Variants in WDR72 observed in about 807,000 individuals in gnomAD.
The protein encoded by WDR72 is WD repeat-containing protein 72.
WDR72 carries 120 observed loss-of-function variants against 124.2 expected under a neutral mutation model. The observed-to-expected ratio is 0.97, with a 90% confidence interval of 0.83 to 1.12. WDR72 has a LOEUF of 1.12. WDR72 is among the 50% of genes most tolerant of loss of function. The pLI is 0.00. For synonymous variants in WDR72, 452 were observed against 441.7 expected (o/e 1.02, Z -0.29); for missense variants, 1,387 against 1,278.8 (o/e 1.08, Z -1.29).
chr15:53,523,402 C>T, intron 18 of WDR72, 80 bp from the exon 19 acceptor site: 1 of 1,314,456 alleles, frequency 7.6e-7, no homozygotes, highest in Non-Finnish European at 1.1e-6. Flanking sequence ...TAAAACATTT[C>T]CTTTCAGTTC....
chr15:53,732,952 A>C, intron 2 of WDR72, 45 bp downstream of exon 2: 1 of 1,613,000 alleles, frequency 6.2e-7, no homozygotes, highest in South Asian at 1.1e-5. Flanking sequence ...AGTTGTCCGT[A>C]TTTTGTGAGT....
At chr15:53,587,653 C>T (rs1329018153) in intron 18 of WDR72, among the ~76,000 whole-genome samples, 2 of 151,940 alleles carry the variant, frequency 1.3e-5, no homozygotes, top group South Asian at 2.1e-4. Flanking sequence ...CACTGAGATC[C>T]ACTACGATTA....
intron 14 of WDR72, among the ~76,000 whole-genome samples, chr15:53,624,091 C>A (rs2014114088): frequency 6.6e-6 from 1 of 152,038 alleles, no homozygotes; most frequent in Non-Finnish European, 1.5e-5. Flanking sequence ...TTGTTGGGTG[C>A]ATTGCAAATA....
At chr15:53,683,043 A>C (rs79059634) in intron 13 of WDR72, among the ~76,000 whole-genome samples, 2 of 152,174 alleles carry the variant, frequency 1.3e-5, no homozygotes, top group African/African-American at 4.8e-5. Context: ...AGTGTAAAGG[A>C]GCAACTTCCA....
At chr15:53,578,173 T>C (rs529979347) in intron 18 of WDR72, among the ~76,000 whole-genome samples, 2 of 152,248 alleles carry the variant, frequency 1.3e-5, no homozygotes, top group South Asian at 4.1e-4. Context: ...GGAGATATAA[T>C]AGTGAGCAAG....
intron 14 of WDR72, among the ~76,000 whole-genome samples, chr15:53,622,489 A>G (rs2014035994): frequency 6.6e-6 from 1 of 152,138 alleles, no homozygotes; most frequent in African/African-American, 2.4e-5. Context: ...CAATGGATGG[A>G]GCTGCAAGCC....
chr15:53,570,153 CAAAT>C (rs1243012406), intron 18 of WDR72, among the ~76,000 whole-genome samples: 4 of 151,786 alleles, frequency 2.6e-5, no homozygotes, highest in Non-Finnish European at 5.9e-5. Context: ...TTTTAAGTGA[CAAAT>C]AAAAATTCTA....
intron 13 of WDR72, among the ~76,000 whole-genome samples, chr15:53,673,543 A>G (rs914958375): frequency 7.2e-5 from 11 of 152,204 alleles, no homozygotes; most frequent in African/African-American, 2.7e-4. Flanking sequence ...CCATTTCTAT[A>G]GAAACATAAA....
At chr15:53,640,449 G>A (rs1344886705) in intron 14 of WDR72, among the ~76,000 whole-genome samples, 2 of 152,060 alleles carry the variant, frequency 1.3e-5, no homozygotes, top group Non-Finnish European at 2.9e-5. Flanking sequence ...TTTGGAAAAG[G>A]ACATAAGTTA....
At chr15:53,591,685 AACACAC>A (rs67873847) in intron 18 of WDR72, among the ~76,000 whole-genome samples, 3,107 of 148,984 alleles carry the variant, frequency 0.021, 27 homozygotes, top group Non-Finnish European at 0.023. Context: ...CAACACACAC[AACACAC>A]ACACACACAC....
intron 13 of WDR72, among the ~76,000 whole-genome samples, chr15:53,672,359 C>CAGGA (rs1270277361): frequency 6.8e-6 from 1 of 147,920 alleles, no homozygotes; most frequent in East Asian, 2.0e-4. Flanking sequence ...TGAGCTGTTT[C>CAGGA]AGGAGACGAG....
rs911634227 is a variant in WDR72, at chr15:53,700,098, C to A, written c.1570-153G>T. ...GCTTTCTACAGCACCTTTCATGTAA[C>A]CCTCTACAGAGGAGCTTTAAACACA... On this transcript the variant is annotated intron_variant, in intron 12 of 19. Transcript: ENST00000360509. Among the ~76,000 whole-genome samples the A allele has an allele frequency of 2.0e-5, 3 of 152,150 alleles. 1 individual carries two copies. The highest frequency in any genetic ancestry group is 4.4e-5 in the Non-Finnish European group (3 of 68,038).
chr15:53,521,768 C>G (rs954761190), intron 19 of WDR72, among the ~76,000 whole-genome samples: 10 of 152,128 alleles, frequency 6.6e-5, no homozygotes, highest in Admixed American at 1.3e-4. Context: ...ATTTACCTGT[C>G]TGACAAAATG....
chr15:53,560,219 T>C lies in WDR72; in HGVS notation c.3148+36860A>G, dbSNP rs560510173. ...AGGAACTCAAGGTCTTTCATGGTGC[T>C]CTCTGACCAGAGATGAACAGCTACT... On this transcript the variant is annotated intron_variant, in intron 18 of 19. Coordinates refer to ENST00000360509, the MANE Select transcript of WDR72 (RefSeq NM_182758.4). Among the ~76,000 whole-genome samples, 3 of 152,048 alleles carry C rather than the reference T, an allele frequency of 2.0e-5. No individual in the cohort carries two copies. In the East Asian group the frequency reaches 5.8e-4, roughly 30 times the overall value.
At chr15:53,722,738 C>G in intron 3 of WDR72, 64 bp downstream of exon 3, 1 of 1,413,888 alleles carries the variant, frequency 7.1e-7, no homozygotes, top group Non-Finnish European at 1.0e-6. Context: ...AAATTGTATT[C>G]CATTGTAGTT....
At chr15:53,602,857 C>T (rs977953771) in intron 17 of WDR72, among the ~76,000 whole-genome samples, 4 of 151,648 alleles carry the variant, frequency 2.6e-5, no homozygotes, top group Non-Finnish European at 5.9e-5. Flanking sequence ...GCTTACCAAC[C>T]GAAAAAAGCC....
At chr15:53,587,187 A>G (rs2012255983) in intron 18 of WDR72, among the ~76,000 whole-genome samples, 1 of 152,094 alleles carries the variant, frequency 6.6e-6, no homozygotes, top group Admixed American at 6.6e-5. Flanking sequence ...TCATGAAAAG[A>G]AAAGCTTTGT....
In WDR72 at chr15:53,684,975, T is replaced by C. The variant is rs567172717; in HGVS notation, c.1765+14775A>G. Among the ~76,000 whole-genome samples the C allele has an allele frequency of 3.7e-4, 57 of 152,110 alleles. No homozygotes were observed. The South Asian group carries it at 8.9e-3, about 24-fold the overall frequency. ...CACTGACACCTCACAAGGCAAGGTATTCCAACAGACCTGCAGCTGAGGGTC... is the reference window on the plus strand; with the variant it reads ...CACTGACACCTCACAAGGCAAGGTACTCCAACAGACCTGCAGCTGAGGGTC... On this transcript the variant is annotated intron_variant, in intron 13 of 19. Coordinates refer to ENST00000360509, the MANE Select transcript of WDR72 (RefSeq NM_182758.4).
At chr15:53,682,439 A>C (rs2016424837) in intron 13 of WDR72, among the ~76,000 whole-genome samples, 1 of 152,168 alleles carries the variant, frequency 6.6e-6, no homozygotes, top group Admixed American at 6.5e-5. Flanking sequence ...CTCTTCAGTG[A>C]TGCAGTATTA....
Sources: gnomAD v4.1 joint callset for allele counts (sites outside exome capture counted in the v4.1 genomes callset) on GRCh38, gnomAD v4.1.1 for gene constraint, MANE v1.5 for transcripts, NCBI Gene and HGNC (gene_info 2026-07-23, HGNC 2026-07-21) for gene names.